CLDN14: variants seen among roughly 807,000 people sequenced by gnomAD.
CLDN14 encodes the protein claudin-14.
CLDN14 carries 2 observed loss-of-function variants against 2.1 expected under a neutral mutation model. That is an observed-to-expected ratio of 0.96 (90% CI 0.39 to 3.01). The LOEUF (loss-of-function observed/expected upper bound fraction) is 3.01. Ranked by LOEUF, CLDN14 falls within the 30% of genes most tolerant of loss-of-function variation. The pLI is 0.09. For synonymous variants in CLDN14, 136 were observed against 154.4 expected, an observed-to-expected ratio of 0.88 and a Z score of 0.88; for missense variants, 298 against 328.0, an observed-to-expected ratio of 0.91 and a Z score of 0.71.
intron 2 of CLDN14, among the ~76,000 whole-genome samples, chr21:36,487,973 G>A (rs1024517757): frequency 6.6e-6 from 1 of 152,186 alleles, no homozygotes; most frequent in Non-Finnish European, 1.5e-5. Context: ...TCAAAAGCAT[G>A]AAGTAGAGAC....
At chr21:36,490,450 G>A (rs111796324) in intron 2 of CLDN14, among the ~76,000 whole-genome samples, 3 of 143,552 alleles carry the variant, frequency 2.1e-5, no homozygotes, top group East Asian at 4.1e-4. Context: ...CTGCAGTGGC[G>A]TGATCTTGGC....
chr21:36,539,343 AGT>A lies in CLDN14; in HGVS notation c.-219-28845_-219-28844del, dbSNP rs200424906. 8.0e-3 allele frequency among the ~76,000 whole-genome samples: 1,194 copies of A among 149,988 alleles called. 5 individuals carry two copies. The highest frequency in any genetic ancestry group is 0.015 in the Admixed American group (222 of 15,118). On this transcript the variant is annotated intron_variant, in intron 1 of 2. Transcript: ENST00000342108. Reference sequence around the variant, plus strand: ...GTGCGTGTGGAGTGTGTGTGGAGTGAGTGTGTGTGGAGTGAGTGTATGTGCGG... The same window carrying A: ...GTGCGTGTGGAGTGTGTGTGGAGTGAGTGTGTGGAGTGAGTGTATGTGCGG...
chr21:36,524,225 A>T (rs1269809114), intron 1 of CLDN14, among the ~76,000 whole-genome samples: 1 of 151,990 alleles, frequency 6.6e-6, no homozygotes, highest in African/African-American at 2.4e-5. Flanking sequence ...GGCTCCAGCG[A>T]GCCTCCTGCT....
At chr21:36,536,540 T>A (rs1338970947) in intron 1 of CLDN14, among the ~76,000 whole-genome samples, 1 of 152,186 alleles carries the variant, frequency 6.6e-6, no homozygotes, top group Non-Finnish European at 1.5e-5. Context: ...TGGGACAAAT[T>A]ATTTTCATAA....
At chr21:36,563,890 G>A (rs404515) in intron 1 of CLDN14, among the ~76,000 whole-genome samples, 135,229 of 152,242 alleles carry the variant, frequency 0.89, 60,655 homozygotes, top group African/African-American at 0.97. Context: ...GCGCCATTAC[G>A]CCATATTTGA....
rs71198817 is a variant in CLDN14 at position 36,490,385 on chromosome 21, A to ATTT, written c.-82+19975_-82+19977dup. Reference sequence around the variant, plus strand: ...TGTCTGCTAGTTCAATTTTTTTTTAATTTTTTTTTTTTTTTTTTTTTGTGA... The same window carrying ATTT: ...TGTCTGCTAGTTCAATTTTTTTTTAATTTTTTTTTTTTTTTTTTTTTTTTGTGA... On this transcript the variant is annotated intron_variant, in intron 2 of 2. Transcript: ENST00000342108. Among the ~76,000 whole-genome samples the ATTT allele has an allele frequency of 2.5e-3, 251 of 102,078 alleles. 3 individuals carry two copies. The highest frequency in any genetic ancestry group is 4.9e-3 in the African/African-American group (125 of 25,276). The allele number at this position is 102,078 out of a possible 152,430, so 67.0% of individuals were successfully genotyped here.
chr21:36,562,734 T>C (rs1426722790), intron 1 of CLDN14, among the ~76,000 whole-genome samples: 2 of 151,992 alleles, frequency 1.3e-5, no homozygotes, highest in East Asian at 3.9e-4. Flanking sequence ...ACATCTGGCC[T>C]CTTTCCCGCC....
intron 1 of CLDN14, among the ~76,000 whole-genome samples, chr21:36,475,634 T>C (rs2086768732): frequency 6.6e-6 from 1 of 152,204 alleles, no homozygotes; most frequent in South Asian, 2.1e-4. Flanking sequence ...CCCTGCGGCC[T>C]TGACCTCCTG....
At chr21:36,519,680 G>A (rs529322865) in intron 1 of CLDN14, among the ~76,000 whole-genome samples, 406 of 152,060 alleles carry the variant, frequency 2.7e-3, no homozygotes, top group Middle Eastern at 0.01. Flanking sequence ...ACTGCACTCC[G>A]GCCTGGGCAA....
At chr21:36,468,640 T>A (rs546863405) in intron 1 of CLDN14, among the ~76,000 whole-genome samples, 1 of 152,286 alleles carries the variant, frequency 6.6e-6, no homozygotes, top group South Asian at 2.1e-4. Flanking sequence ...TTTGGATTCA[T>A]TTAGATAAGA....
rs1220066669 is a variant in CLDN14, at chr21:36,551,159, C to T, written c.-220+25252G>A. Among the ~76,000 whole-genome samples the T allele has an allele frequency of 2.0e-5, 3 of 152,208 alleles. No homozygotes were observed. Among genetic ancestry groups the T allele is most frequent in the Non-Finnish European group, 4.4e-5 (3 of 68,028 alleles). On this transcript the variant is annotated intron_variant, in intron 1 of 2. Transcript: ENST00000342108. This position sits in a 1 kb window ranked among gnomAD's most constrained non-coding sequence, Gnocchi z 4.8. ...ACCAGCCCTTCCTACCCCGCAATTT[C>T]GGACTTCCTGTTCCCAGACCTGTGA...
At chr21:36,539,780 A>AGT (rs761602802) in intron 1 of CLDN14, among the ~76,000 whole-genome samples, 10 of 141,200 alleles carry the variant, frequency 7.1e-5, no homozygotes, top group Non-Finnish European at 6.1e-5. Context: ...ATGTGGAGTG[A>AGT]GTGTGTGTGT....
rs572601563 is a variant in CLDN14, at chr21:36,463,450, G to A, written c.-81-1674C>T. On this transcript the variant is annotated intron_variant, in intron 1 of 1. Transcript: ENST00000399135. ...TCCCCATCGGGGCTCGGCGGCTCAC[G>A]CCTGTAATCCCAGCACTTTGGGAGG... is the stretch of plus-strand genomic sequence containing the variant. Among the ~76,000 whole-genome samples, 6 of 152,346 alleles carry A rather than the reference G, an allele frequency of 3.9e-5. No homozygotes were observed. The South Asian group carries it at 8.3e-4, about 21-fold the overall frequency.
intron 1 of CLDN14, among the ~76,000 whole-genome samples, chr21:36,462,616 A>T (rs2835363): frequency 0.3 from 46,112 of 151,998 alleles, 8,327 homozygotes; most frequent in African/African-American, 0.5. Flanking sequence ...ACCCAGCATC[A>T]ACATAGGGCC....
intron 1 of CLDN14, among the ~76,000 whole-genome samples, chr21:36,553,347 G>C (rs1344074536): frequency 6.6e-6 from 1 of 152,168 alleles, no homozygotes; most frequent in East Asian, 1.9e-4. Context: ...CAACACAGGA[G>C]GGGGCCAGCT....
chr21:36,510,065 G>A (rs1328582820), intron 2 of CLDN14, among the ~76,000 whole-genome samples: 3 of 152,122 alleles, frequency 2.0e-5, no homozygotes, highest in Non-Finnish European at 4.4e-5. Flanking sequence ...AAACTCCCAC[G>A]GCCCAGTTAT....
At chr21:36,517,521 T>C (rs2835377) in intron 1 of CLDN14, among the ~76,000 whole-genome samples, 125,054 of 152,190 alleles carry the variant, frequency 0.82, 52,292 homozygotes, top group Middle Eastern at 0.93. Context: ...GGTTCTCCAG[T>C]CTGGGCAAAC....
intron 1 of CLDN14, among the ~76,000 whole-genome samples, chr21:36,478,973 C>T (rs1021635956): frequency 2.7e-5 from 4 of 150,564 alleles, no homozygotes; most frequent in African/African-American, 9.9e-5. Flanking sequence ...TCTATCACTT[C>T]CCCCCCTCTC....
At chr21:36,565,378 C>T (rs1429010778) in intron 1 of CLDN14, among the ~76,000 whole-genome samples, 1 of 152,016 alleles carries the variant, frequency 6.6e-6, no homozygotes, top group African/African-American at 2.4e-5. Flanking sequence ...AGAACCAACC[C>T]TGCAATTGTA....
Sources: allele counts gnomAD v4.1 joint callset (sites outside exome capture counted in the v4.1 genomes callset), GRCh38; gene constraint gnomAD v4.1.1; non-coding constraint Gnocchi (gnomAD v3.1); transcripts MANE v1.5; gene names NCBI Gene and HGNC (gene_info 2026-07-23, HGNC 2026-07-21).